The following SCD5 variants were observed in gnomAD, a reference collection of about 807,000 sequenced individuals.
SCD5 encodes the protein acyl-CoA-desaturase 4.
SCD5 carries 20 observed loss-of-function variants against 30.4 expected under a neutral mutation model. The observed-to-expected ratio is 0.66, with a 90% CI of 0.46 to 0.96. The LOEUF is 0.96. SCD5 is among the 40% of genes least tolerant of loss of function. The probability of loss-of-function intolerance (pLI) is 0.00; values close to 1 mark genes in which losing one functional copy is unlikely to be tolerated. For missense variants in SCD5, 381 were observed against 443.3 expected, an observed-to-expected ratio of 0.86 and a Z score of 1.26; for synonymous variants, 173 against 176.4, an observed-to-expected ratio of 0.98 and a Z score of 0.16.
At chr4:82,703,989 C>T (rs1262063052) in intron 2 of SCD5, among the ~76,000 whole-genome samples, 3 of 152,162 alleles carry the variant, frequency 2.0e-5, no homozygotes, top group African/African-American at 7.2e-5. Context: ...CCAACTGCTC[C>T]CTTATGCTTA....
chr4:82,744,869 T>A (rs1375406508), intron 1 of SCD5, among the ~76,000 whole-genome samples: 1 of 151,936 alleles, frequency 6.6e-6, no homozygotes, highest in African/African-American at 2.4e-5. Flanking sequence ...AGGGATTGCA[T>A]TTCAATCAAT....
chr4:82,788,461 G>A (rs763397344), intron 1 of SCD5, among the ~76,000 whole-genome samples: 14 of 152,282 alleles, frequency 9.2e-5, no homozygotes, highest in Middle Eastern at 6.8e-3. Context: ...CATGATCTCG[G>A]CTCACTGCAA....
At chr4:82,653,018 T>C (rs978466291) in intron 3 of SCD5, among the ~76,000 whole-genome samples, 1 of 151,966 alleles carries the variant, frequency 6.6e-6, no homozygotes, top group Non-Finnish European at 1.5e-5. Context: ...TTGGGTATGG[T>C]GGTACGTGCC....
chr4:82,687,825 TC>T (rs1344955395), intron 2 of SCD5, among the ~76,000 whole-genome samples: 1 of 152,236 alleles, frequency 6.6e-6, no homozygotes, highest in African/African-American at 2.4e-5. Flanking sequence ...ACCTGCTCCT[TC>T]AGAACTACTC....
intron 3 of SCD5, among the ~76,000 whole-genome samples, chr4:82,676,850 A>G (rs1261204930): frequency 1.3e-5 from 2 of 152,226 alleles, no homozygotes; most frequent in African/African-American, 4.8e-5. Context: ...CCTTTACACA[A>G]TTTACACATT....
intron 2 of SCD5, among the ~76,000 whole-genome samples, chr4:82,681,720 C>A (rs1229252809): frequency 6.6e-6 from 1 of 152,062 alleles, no homozygotes; most frequent in African/African-American, 2.4e-5. Flanking sequence ...TGTACACACA[C>A]CCCCATGACA....
chr4:82,717,659 T>C (rs779998159), intron 1 of SCD5, among the ~76,000 whole-genome samples: 61 of 151,758 alleles, frequency 4.0e-4, no homozygotes, highest in Admixed American at 8.5e-4. Context: ...CTCACGCCTG[T>C]AATCCCAGCA....
At chr4:82,727,830 A>C (rs148829313) in intron 1 of SCD5, among the ~76,000 whole-genome samples, 15,441 of 152,092 alleles carry the variant, frequency 0.1, 922 homozygotes, top group African/African-American at 0.16. Flanking sequence ...GCCTCAGCCT[A>C]CCGAGTAGCT....
chr4:82,642,494 C>A (rs1223439797), intron 3 of SCD5, among the ~76,000 whole-genome samples: 1 of 152,364 alleles, frequency 6.6e-6, no homozygotes, highest in South Asian at 2.1e-4. Flanking sequence ...AACTGAACCA[C>A]ATACTGTCCC....
chr4:82,789,961 G>A (rs1722066261), intron 1 of SCD5, among the ~76,000 whole-genome samples: 1 of 152,102 alleles, frequency 6.6e-6, no homozygotes, highest in Non-Finnish European at 1.5e-5. Flanking sequence ...TGTTGTTAGT[G>A]TATTTGTTTG....
chr4:82,691,161 G>T (rs574736044), intron 2 of SCD5, among the ~76,000 whole-genome samples: 2 of 152,288 alleles, frequency 1.3e-5, no homozygotes, highest in African/African-American at 4.8e-5. Context: ...GAGTAGCTGG[G>T]ATTACAGGCA....
chr4:82,709,696 T>C (rs1237327465), intron 1 of SCD5, among the ~76,000 whole-genome samples: 4 of 152,224 alleles, frequency 2.6e-5, no homozygotes, highest in Non-Finnish European at 5.9e-5. Flanking sequence ...GTTCCAGCAA[T>C]TCCACTTCTA....
chr4:82,673,668 C>T (rs11734938), intron 3 of SCD5, among the ~76,000 whole-genome samples: 243 of 152,174 alleles, frequency 1.6e-3, no homozygotes, highest in Admixed American at 2.7e-3. Context: ...AAGGTTTATA[C>T]GTGGAGGCAA....
chr4:82,756,504 TC>T (rs1721236858), intron 1 of SCD5, among the ~76,000 whole-genome samples: 1 of 152,126 alleles, frequency 6.6e-6, no homozygotes, highest in Non-Finnish European at 1.5e-5. Flanking sequence ...GGCAGGTGGA[TC>T]ACTTGAGGTC....
At chr4:82,720,744 T>C (rs1326106248) in intron 1 of SCD5, among the ~76,000 whole-genome samples, 1 of 152,162 alleles carries the variant, frequency 6.6e-6, no homozygotes, top group Non-Finnish European at 1.5e-5. Flanking sequence ...TTGCCCTACC[T>C]GGGAAGCTGC....
At chr4:82,675,433 G>A (rs2148820026) in intron 3 of SCD5, among the ~76,000 whole-genome samples, 1 of 152,260 alleles carries the variant, frequency 6.6e-6, no homozygotes, top group South Asian at 2.1e-4. Flanking sequence ...AAATATTCTA[G>A]ATGTTTGAGT....
chr4:82,695,462 T>C (rs11724808), intron 2 of SCD5, among the ~76,000 whole-genome samples: 51,393 of 151,996 alleles, frequency 0.34, 10,234 homozygotes, highest in Admixed American at 0.45. Flanking sequence ...ACTGAAGGGA[T>C]TGGCTTAAAA....
intron 3 of SCD5, among the ~76,000 whole-genome samples, chr4:82,669,058 A>G (rs1362936974): frequency 2.0e-5 from 3 of 152,178 alleles, no homozygotes; most frequent in Non-Finnish European, 4.4e-5. Flanking sequence ...GACTCCCCAA[A>G]GCCCTACATA....
At chr4:82,654,745 G>A (rs1393430475) in intron 3 of SCD5, among the ~76,000 whole-genome samples, 4 of 152,088 alleles carry the variant, frequency 2.6e-5, no homozygotes, top group Non-Finnish European at 2.9e-5. Context: ...GATACTTCCC[G>A]CTGTTAGCCT....
Sources: allele counts gnomAD v4.1 joint callset (sites outside exome capture counted in the v4.1 genomes callset), GRCh38; gene constraint gnomAD v4.1.1; transcripts MANE v1.5; gene names NCBI Gene and HGNC (gene_info 2026-07-23, HGNC 2026-07-21).